Variants in L3MBTL3 observed in about 807,000 individuals in gnomAD.
The protein encoded by L3MBTL3 is L3MBTL histone methyl-lysine binding protein 3.
L3MBTL3 carries 27 observed loss-of-function variants against 102.3 expected under a neutral mutation model. The ratio of observed to expected loss-of-function variants is 0.26; its 90% CI spans 0.19 to 0.36. The LOEUF is 0.36. Ranked by LOEUF, L3MBTL3 falls within the 10% of genes least tolerant of loss-of-function variation. The pLI, the probability that L3MBTL3 is intolerant of heterozygous loss-of-function variation, is 1.00. For missense variants in L3MBTL3, 798 were observed against 955.3 expected (o/e 0.84, Z 2.17); for synonymous variants, 340 against 320.9 (o/e 1.06, Z -0.64).
At chr6:130,072,945 C>T (rs117221328) in intron 13 of L3MBTL3, among the ~76,000 whole-genome samples, 102 of 152,178 alleles carry the variant, frequency 6.7e-4, no homozygotes, top group Non-Finnish European at 1.0e-3. Flanking sequence ...TCCTTTCTTC[C>T]TCGTTGATTG....
intron 18 of L3MBTL3, among the ~76,000 whole-genome samples, chr6:130,102,587 T>C (rs1327372213): frequency 2.0e-5 from 3 of 152,214 alleles, no homozygotes; most frequent in African/African-American, 7.2e-5. Flanking sequence ...CTCTACATGA[T>C]ATTTGCCTGC....
chr6:130,047,163 C>T (rs1003122503), intron 3 of L3MBTL3, among the ~76,000 whole-genome samples: 3 of 151,938 alleles, frequency 2.0e-5, no homozygotes, highest in Admixed American at 6.6e-5. Flanking sequence ...CCCCAGAAAG[C>T]TGTATATGCA....
Position 130,139,950 on chromosome 6 carries a change from TAAC to T in L3MBTL3, c.*202_*204del. Reference sequence around the variant, plus strand: ...CTTGAGCTTTTAACCAGGTACTGTCTAACAACAGTCATCTTTTGGTTCTGTTCA... The same window carrying T: ...CTTGAGCTTTTAACCAGGTACTGTCTAACAGTCATCTTTTGGTTCTGTTCA... On this transcript the variant is annotated 3_prime_UTR_variant, in exon 23 of 23. Transcript: ENST00000361794. 3.0e-6 allele frequency: 1 copy of T among 330,450 alleles called. No individual in the cohort carries two copies. Among genetic ancestry groups the T allele is most frequent in the Non-Finnish European group, 5.4e-6 (1 of 184,094 alleles). 20.5% of individuals were successfully genotyped at this position (330,450 alleles called of 1,614,324 possible). A position where few individuals can be genotyped will look rare whatever the true frequency, so the allele number is the denominator to read the frequency against.
At chr6:130,088,004 ACT>A (rs1783798187) in intron 16 of L3MBTL3, among the ~76,000 whole-genome samples, 3 of 152,072 alleles carry the variant, frequency 2.0e-5, no homozygotes, top group Admixed American at 2.0e-4. Context: ...ATGTAGATCA[ACT>A]CTCTTATTTT....
At chr6:130,109,545 A>G (rs972674908) in intron 19 of L3MBTL3, among the ~76,000 whole-genome samples, 2 of 152,018 alleles carry the variant, frequency 1.3e-5, no homozygotes, top group Non-Finnish European at 2.9e-5. Context: ...CCACTTTTTG[A>G]TGGGGTTGTT....
chr6:130,051,447 A>G (rs780648079), intron 6 of L3MBTL3, 39 bp downstream of exon 6: 3 of 1,555,948 alleles, frequency 1.9e-6, no homozygotes, highest in Non-Finnish European at 2.7e-6. Context: ...ATTGAGTTTT[A>G]GATTCCAAAG....
chr6:130,099,232 A>G (rs193040053), intron 18 of L3MBTL3, among the ~76,000 whole-genome samples: 102 of 152,278 alleles, frequency 6.7e-4, no homozygotes, highest in African/African-American at 2.2e-3. Flanking sequence ...GAACAGTATC[A>G]TCCTATGGGA....
At chr6:130,019,460 A>C (rs1778791874) in intron 1 of L3MBTL3, 1 of 152,084 alleles carries the variant, frequency 6.6e-6, no homozygotes, top group South Asian at 2.1e-4. Context: ...CGCGAGAAGT[A>C]CAAGTACGGG....
intron 18 of L3MBTL3, among the ~76,000 whole-genome samples, chr6:130,097,581 GAA>G (rs1159850245): frequency 6.6e-6 from 1 of 152,144 alleles, no homozygotes; most frequent in African/African-American, 2.4e-5. Context: ...AATGATCAGT[GAA>G]AGAGTTGGAG....
At chr6:130,030,540 G>T (rs1033185928) in intron 2 of L3MBTL3, among the ~76,000 whole-genome samples, 3 of 151,796 alleles carry the variant, frequency 2.0e-5, no homozygotes, top group Admixed American at 1.3e-4. Flanking sequence ...GGTGGCGGGT[G>T]CCTGTAGTCC....
chr6:130,032,449 T>C (rs895639056), intron 2 of L3MBTL3, among the ~76,000 whole-genome samples: 3 of 151,994 alleles, frequency 2.0e-5, no homozygotes, highest in Non-Finnish European at 4.4e-5. Flanking sequence ...ATCCTGTCTC[T>C]ATGAATAAAT....
chr6:130,058,189 A>G (rs1346794512), intron 9 of L3MBTL3, among the ~76,000 whole-genome samples: 4 of 150,208 alleles, frequency 2.7e-5, no homozygotes, highest in African/African-American at 9.8e-5. Context: ...AGTTACTACG[A>G]TTTACATATT....
chr6:130,042,655 T>G, intron 2 of L3MBTL3, 30 bp from the exon 3 acceptor site: 1 of 1,253,082 alleles, frequency 8.0e-7, no homozygotes, highest in Non-Finnish European at 1.2e-6. Context: ...TGTGGAATAT[T>G]TAGTGATATG....
intron 19 of L3MBTL3, among the ~76,000 whole-genome samples, chr6:130,107,793 A>G (rs922422459): frequency 6.6e-6 from 1 of 152,218 alleles, no homozygotes; most frequent in Non-Finnish European, 1.5e-5. Flanking sequence ...TAGAAAGTTG[A>G]TGCAACTAAA....
intron 12 of L3MBTL3, chr6:130,070,749 G>A (rs1321282575): frequency 1.3e-5 from 4 of 304,626 alleles, no homozygotes; most frequent in Non-Finnish European, 2.4e-5. Flanking sequence ...TTCGTTTTGA[G>A]GCCCAGATAG....
At chr6:130,137,013 A>G (rs1787755579) in intron 22 of L3MBTL3, among the ~76,000 whole-genome samples, 1 of 144,490 alleles carries the variant, frequency 6.9e-6, no homozygotes, top group Non-Finnish European at 1.5e-5. Context: ...TAAATTCCAC[A>G]AAAAGTTTTT....
intron 19 of L3MBTL3, among the ~76,000 whole-genome samples, chr6:130,107,589 A>C (rs750086122): frequency 1.3e-5 from 2 of 152,200 alleles, no homozygotes; most frequent in Non-Finnish European, 2.9e-5. Context: ...AACATTTGTT[A>C]AGCATTTTCT....
intron 14 of L3MBTL3, among the ~76,000 whole-genome samples, chr6:130,082,195 T>G (rs1444639991): frequency 6.6e-6 from 1 of 152,226 alleles, no homozygotes; most frequent in Non-Finnish European, 1.5e-5. Context: ...CTGTAACTAA[T>G]AAGTATTTTC....
chr6:130,084,833 C>T (rs1783579296), intron 15 of L3MBTL3, among the ~76,000 whole-genome samples: 1 of 152,016 alleles, frequency 6.6e-6, no homozygotes. Context: ...CATGGCAACC[C>T]TTTTTTTGTT....
Sources: gnomAD v4.1 joint callset for allele counts (sites outside exome capture counted in the v4.1 genomes callset) on GRCh38, gnomAD v4.1.1 for gene constraint, MANE v1.5 for transcripts, NCBI Gene and HGNC (gene_info 2026-07-23, HGNC 2026-07-21) for gene names.